Variants in NELL1 observed in about 807,000 individuals in gnomAD.
NELL1 encodes neural EGFL like 1.
NELL1 carries 76 observed loss-of-function variants against 107.4 expected under a neutral mutation model. That is an observed-to-expected ratio of 0.71 (90% confidence interval 0.59 to 0.86). NELL1 has a LOEUF of 0.86. Ranked by LOEUF, NELL1 falls within the 40% of genes least tolerant of loss-of-function variation. NELL1 has a pLI of 0.00. For synonymous variants in NELL1, 353 were observed against 341.2 expected, an observed-to-expected ratio of 1.03 and a Z score of -0.38; for missense variants, 1,024 against 1,005.5, an observed-to-expected ratio of 1.02 and a Z score of -0.25.
At chr11:21,308,069 G>A (rs1019225593) in intron 14 of NELL1, among the ~76,000 whole-genome samples, 5 of 152,070 alleles carry the variant, frequency 3.3e-5, no homozygotes, top group Admixed American at 6.6e-5. Context: ...AGGTTGGAAC[G>A]CCGGCTTTGC....
At chr11:21,390,223 G>A (rs952215868) in intron 15 of NELL1, among the ~76,000 whole-genome samples, 1 of 151,308 alleles carries the variant, frequency 6.6e-6, no homozygotes, top group African/African-American at 2.4e-5. Context: ...TAAGAATTTG[G>A]CCCTTTTATT....
intron 10 of NELL1, 137 bp from the exon 11 acceptor site, chr11:20,947,199 G>A (rs571402161): frequency 2.5e-5 from 15 of 607,884 alleles, no homozygotes; most frequent in African/African-American, 1.5e-4. Context: ...TGGCATTATC[G>A]TTTTTAGTGG....
At chr11:21,529,439 T>G (rs1305725627) in intron 15 of NELL1, among the ~76,000 whole-genome samples, 1 of 152,232 alleles carries the variant, frequency 6.6e-6, no homozygotes, top group Non-Finnish European at 1.5e-5. Flanking sequence ...TTGCATGTTA[T>G]GTTCAGTACA....
chr11:21,548,836 G>C (rs1238094839), intron 16 of NELL1, among the ~76,000 whole-genome samples: 2 of 151,162 alleles, frequency 1.3e-5, no homozygotes, highest in Non-Finnish European at 3.0e-5. Context: ...GCTGGCCCAG[G>C]GCAAGTTACT....
chr11:20,785,035 T>C (rs776339870), intron 3 of NELL1, among the ~76,000 whole-genome samples: 8 of 152,192 alleles, frequency 5.3e-5, no homozygotes, highest in Non-Finnish European at 1.0e-4. Flanking sequence ...GAGAGTGCTC[T>C]TGAAGCACAG....
intron 17 of NELL1, among the ~76,000 whole-genome samples, chr11:21,568,712 A>G (rs1419213807): frequency 6.6e-6 from 1 of 151,710 alleles, no homozygotes; most frequent in African/African-American, 2.4e-5. Context: ...AGGATTATCA[A>G]TATCACTGTC....
intron 15 of NELL1, among the ~76,000 whole-genome samples, chr11:21,413,713 G>A (rs905265281): frequency 1.3e-5 from 2 of 151,968 alleles, no homozygotes; most frequent in Non-Finnish European, 2.9e-5. Context: ...AATCTTACTT[G>A]TATGTCATCT....
intron 13 of NELL1, among the ~76,000 whole-genome samples, chr11:21,212,180 A>G (rs891378471): frequency 3.9e-5 from 6 of 152,168 alleles, no homozygotes; most frequent in Non-Finnish European, 8.8e-5. Flanking sequence ...TCATATTAAT[A>G]TAATATTAGG....
chr11:21,191,778 G>T (rs1234927285), intron 13 of NELL1, among the ~76,000 whole-genome samples: 1 of 152,036 alleles, frequency 6.6e-6, no homozygotes, highest in Non-Finnish European at 1.5e-5. Flanking sequence ...CTTGGATTAT[G>T]GTTTCAGACA....
intron 14 of NELL1, among the ~76,000 whole-genome samples, chr11:21,266,614 C>T (rs996399547): frequency 6.6e-6 from 1 of 151,944 alleles, no homozygotes; most frequent in South Asian, 2.1e-4. Flanking sequence ...TTCTACATTC[C>T]AGCTAATTAT....
chr11:21,190,513 T>A (rs1007957463), intron 13 of NELL1, among the ~76,000 whole-genome samples: 2 of 151,790 alleles, frequency 1.3e-5, no homozygotes, highest in Non-Finnish European at 2.9e-5. Flanking sequence ...CTAGATTGGG[T>A]CACATCAGCC....
intron 5 of NELL1, among the ~76,000 whole-genome samples, chr11:20,905,969 A>G (rs1469296471): frequency 3.3e-5 from 5 of 152,174 alleles, no homozygotes; most frequent in African/African-American, 1.2e-4. Flanking sequence ...ACTCAAAGGT[A>G]TCCACACTGA....
In NELL1 at chr11:21,083,024, G is replaced by T. The variant is rs370205410; in HGVS notation, c.1301-30565G>T. Among the ~76,000 whole-genome samples the T allele has an allele frequency of 1.1e-3, 166 of 152,290 alleles. 2 individuals are homozygous for T. In the South Asian group the frequency reaches 0.033, roughly 30 times the overall value. On this transcript the variant is annotated intron_variant, in intron 12 of 19. Coordinates refer to ENST00000357134, the MANE Select transcript of NELL1 (RefSeq NM_006157.5). Reference sequence around the variant, plus strand: ...ACTATGTTGGTCAGCTAGAGCCTGCGGCTTGAATAATGAATATTCAGATAG... The same window carrying T: ...ACTATGTTGGTCAGCTAGAGCCTGCTGCTTGAATAATGAATATTCAGATAG...
At chr11:21,062,605 A>G (rs180696834) in intron 12 of NELL1, among the ~76,000 whole-genome samples, 2 of 152,250 alleles carry the variant, frequency 1.3e-5, no homozygotes, top group East Asian at 1.9e-4. Context: ...GTATACTGCA[A>G]TTCAGTTCTG....
intron 2 of NELL1, among the ~76,000 whole-genome samples, chr11:20,727,669 C>A (rs958187157): frequency 2.6e-5 from 4 of 152,158 alleles, no homozygotes; most frequent in Non-Finnish European, 4.4e-5. Flanking sequence ...GAAGCCCTTG[C>A]CCATGCCTAT....
intron 15 of NELL1, among the ~76,000 whole-genome samples, chr11:21,443,004 G>T (rs1171862342): frequency 1.8e-5 from 1 of 56,848 alleles, no homozygotes; most frequent in African/African-American, 6.3e-5. Flanking sequence ...TCCATGTTTT[G>T]CTGCTATAAC....
chr11:20,938,821 A>G (rs1423128767), intron 10 of NELL1, among the ~76,000 whole-genome samples: 1 of 152,182 alleles, frequency 6.6e-6, no homozygotes, highest in African/African-American at 2.4e-5. Flanking sequence ...GAACCTGGAC[A>G]GTTAGACAGA....
rs186195646 is a variant in NELL1, at chr11:20,730,068, C to T, written c.184+52008C>T. ...TATAGGACCTTAGACACAGCTTCCC[C>T]GTTGAAACAAATAATCAAAGAGGAC... On this transcript the variant is annotated intron_variant, in intron 2 of 19. Transcript: ENST00000357134. 1.3e-4 allele frequency among the ~76,000 whole-genome samples: 20 copies of T among 152,220 alleles called. No individual in the cohort carries two copies. In the East Asian group the frequency reaches 2.3e-3, roughly 18 times the overall value.
intron 2 of NELL1, among the ~76,000 whole-genome samples, chr11:20,723,733 G>T (rs192372592): frequency 0.011 from 1,278 of 119,592 alleles, 14 homozygotes; most frequent in African/African-American, 0.07. Flanking sequence ...GGGACTCTGT[G>T]GGGGGGGGCT....
Sources: gnomAD v4.1 joint callset for allele counts (sites outside exome capture counted in the v4.1 genomes callset) on GRCh38, gnomAD v4.1.1 for gene constraint, MANE v1.5 for transcripts, NCBI Gene and HGNC (gene_info 2026-07-23, HGNC 2026-07-21) for gene names.